The following GRID2 variants were observed in gnomAD, a reference collection of about 807,000 sequenced individuals.
GRID2 encodes the protein glutamate ionotropic receptor delta type subunit 2, also known as glutamate receptor ionotropic, delta-2.
In GRID2, 33 loss-of-function variants were observed where a neutral mutation model predicts 114.8. The observed-to-expected ratio is 0.29, with a 90% CI of 0.22 to 0.38. The LOEUF is 0.38. Among genes scored for constraint, GRID2 ranks in the 10% least tolerant of loss-of-function variants. The pLI, the probability that GRID2 is intolerant of heterozygous loss-of-function variation, is 1.00. For synonymous variants in GRID2, 505 were observed against 449.9 expected (o/e 1.12, Z -1.55); for missense variants, 1,184 against 1,257.7 (o/e 0.94, Z 0.89).
At chr4:93,144,953 C>A (rs1736074171) in intron 4 of GRID2, among the ~76,000 whole-genome samples, 1 of 151,508 alleles carries the variant, frequency 6.6e-6, no homozygotes, top group Admixed American at 6.6e-5. Flanking sequence ...GAACCACAGG[C>A]CAAAACAAAA....
chr4:92,769,691 T>G (rs1738444603), intron 2 of GRID2, among the ~76,000 whole-genome samples: 2 of 152,170 alleles, frequency 1.3e-5, no homozygotes, highest in South Asian at 4.1e-4. Context: ...CTGCCAAGGC[T>G]TGGGGCTTGC....
chr4:92,408,346 C>A (rs1483595346), intron 1 of GRID2, among the ~76,000 whole-genome samples: 8 of 150,610 alleles, frequency 5.3e-5, no homozygotes, highest in Non-Finnish European at 8.9e-5. Context: ...GTTAATGTAG[C>A]CTTACATTAC....
At chr4:92,429,593 C>A (rs1043055749) in intron 1 of GRID2, among the ~76,000 whole-genome samples, 1 of 152,074 alleles carries the variant, frequency 6.6e-6, no homozygotes, top group Non-Finnish European at 1.5e-5. Context: ...ATACTAATTT[C>A]CTTTCTTTTG....
chr4:93,000,005 T>A (rs1425311987), intron 2 of GRID2, among the ~76,000 whole-genome samples: 1 of 151,660 alleles, frequency 6.6e-6, no homozygotes, highest in Non-Finnish European at 1.5e-5. Context: ...AGGAAACTTG[T>A]TTGCATTTTT....
chr4:92,698,337 C>T (rs1734518074), intron 2 of GRID2, among the ~76,000 whole-genome samples: 1 of 152,024 alleles, frequency 6.6e-6, no homozygotes, highest in Admixed American at 6.6e-5. Flanking sequence ...GAATGGAAAA[C>T]TTATTTGTTG....
At chr4:93,308,342 G>T (rs931797356) in intron 8 of GRID2, among the ~76,000 whole-genome samples, 16 of 152,128 alleles carry the variant, frequency 1.1e-4, no homozygotes, top group African/African-American at 3.9e-4. Context: ...ATCTATTACA[G>T]TTCAAAATCA....
At chr4:92,980,715 T>C (rs1479212235) in intron 2 of GRID2, among the ~76,000 whole-genome samples, 1 of 152,112 alleles carries the variant, frequency 6.6e-6, no homozygotes, top group Non-Finnish European at 1.5e-5. Context: ...ATATATTATA[T>C]CAATGATATA....
Position 93,028,496 on chromosome 4 carries a change from A to T in GRID2, c.245-56499A>T, listed in dbSNP as rs80311038. 1.7e-3 allele frequency among the ~76,000 whole-genome samples: 264 copies of T among 152,256 alleles called. 1 individual carries two copies. Among genetic ancestry groups the T allele is most frequent in the Admixed American group, 4.8e-3 (73 of 15,280 alleles). ...CTAGCGCCTTTATAAGGAAGAGTGA[A>T]ATAATAAATCATGCGTGATTAGGCA... On this transcript the variant is annotated intron_variant, in intron 2 of 15. Transcript: ENST00000282020.
At chr4:93,417,170 A>T (rs928437348) in intron 9 of GRID2, among the ~76,000 whole-genome samples, 7 of 152,028 alleles carry the variant, frequency 4.6e-5, no homozygotes, top group African/African-American at 1.7e-4. Context: ...ATCTACTCAC[A>T]CTTTGAAAAT....
chr4:93,631,127 G>A (rs1743207038), intron 14 of GRID2, among the ~76,000 whole-genome samples: 1 of 152,040 alleles, frequency 6.6e-6, no homozygotes, highest in East Asian at 1.9e-4. Context: ...TCCAAAAACT[G>A]GGTCTCTTAA....
intron 2 of GRID2, among the ~76,000 whole-genome samples, chr4:92,974,199 G>A (rs1036808721): frequency 1.3e-5 from 2 of 152,182 alleles, no homozygotes; most frequent in African/African-American, 4.8e-5. Flanking sequence ...AGATGCTGGA[G>A]AGGTTGTGGA....
chr4:93,703,454 A>G (rs1349577528), intron 14 of GRID2, among the ~76,000 whole-genome samples: 2 of 152,088 alleles, frequency 1.3e-5, no homozygotes, highest in Non-Finnish European at 2.9e-5. Flanking sequence ...GTTATCATTG[A>G]CTGTAGTCAC....
At chr4:93,529,724 C>CT (rs905744867) in intron 13 of GRID2, among the ~76,000 whole-genome samples, 2 of 152,034 alleles carry the variant, frequency 1.3e-5, no homozygotes, top group African/African-American at 4.8e-5. Flanking sequence ...AAAACCTTCC[C>CT]TGTCTTTGCT....
At chr4:93,263,866 T>C (rs1301903760) in intron 8 of GRID2, among the ~76,000 whole-genome samples, 1 of 152,194 alleles carries the variant, frequency 6.6e-6, no homozygotes, top group Non-Finnish European at 1.5e-5. Flanking sequence ...TACATCATTA[T>C]AGAGAAATAT....
At chr4:92,341,287 A>G (rs1387881269) in intron 1 of GRID2, among the ~76,000 whole-genome samples, 2 of 152,130 alleles carry the variant, frequency 1.3e-5, no homozygotes, top group Non-Finnish European at 1.5e-5. Flanking sequence ...TTATGTTACT[A>G]TTGAAAATAA....
chr4:92,352,242 T>C (rs1174612790), intron 1 of GRID2, among the ~76,000 whole-genome samples: 2 of 151,882 alleles, frequency 1.3e-5, no homozygotes, highest in African/African-American at 2.4e-5. Flanking sequence ...CTCTTATGAT[T>C]AGTGGTGACT....
intron 11 of GRID2, among the ~76,000 whole-genome samples, chr4:93,466,325 C>A (rs986730331): frequency 1.5e-4 from 23 of 152,072 alleles, no homozygotes; most frequent in African/African-American, 5.3e-4. Flanking sequence ...TGGAGCTTAG[C>A]CTGCTGGGTT....
chr4:93,216,755 C>T lies in GRID2; in HGVS notation c.807C>T (p.Asp269=), dbSNP rs185510141. Residue 269 remains aspartate, a synonymous_variant, in exon 6 of 16, where the codon GAC becomes GAT. Transcript: ENST00000282020. ...IIINEEINDV[D]VQELVRRSIG... ...TCTTATAGGAAATAAACGATGTGGA[C>T]GTACAGGAACTTGTAAGAAGGTCAA... is the stretch of plus-strand genomic sequence containing the variant. 54 of 1,608,324 alleles carry T rather than the reference C, an allele frequency of 3.4e-5. 1 individual carries two copies. The highest frequency in any genetic ancestry group is 1.3e-4 in the East Asian group (6 of 44,790).
At chr4:93,428,750 T>A (rs577188731) in intron 10 of GRID2, among the ~76,000 whole-genome samples, 1 of 152,288 alleles carries the variant, frequency 6.6e-6, no homozygotes, top group East Asian at 1.9e-4. Flanking sequence ...CTAACAGATA[T>A]ATTTTTAAAA....
Sources: gnomAD v4.1 joint callset for allele counts (sites outside exome capture counted in the v4.1 genomes callset) on GRCh38, gnomAD v4.1.1 for gene constraint, MANE v1.5 for transcripts, NCBI Gene and HGNC (gene_info 2026-07-23, HGNC 2026-07-21) for gene names.